MEGF6: variants seen among roughly 807,000 people sequenced by gnomAD.
MEGF6 encodes multiple EGF like domains 6.
In MEGF6, 184 loss-of-function variants were observed where a neutral mutation model predicts 207.1. The ratio of observed to expected loss-of-function variants is 0.89; its 90% CI spans 0.79 to 1.00. The LOEUF is 1.00. MEGF6 is among the 50% of genes least tolerant of loss of function. The pLI is 0.00. For synonymous variants in MEGF6, 1,038 were observed against 910.0 expected, an observed-to-expected ratio of 1.14 and a Z score of -2.53; for missense variants, 2,282 against 2,202.9, an observed-to-expected ratio of 1.04 and a Z score of -0.72.
chr1:3,493,040 C>A, intron 34 of MEGF6: 2 of 490,350 alleles, frequency 4.1e-6, no homozygotes, highest in Non-Finnish European at 7.3e-6. Flanking sequence ...CGAGTTCCTG[C>A]CCCGCCCCAG....
Position 3,578,536 on chromosome 1 carries a change from T to TGG in MEGF6, c.481+1287_481+1288dup, listed in dbSNP as rs60070220. Among the ~76,000 whole-genome samples the TGG allele has an allele frequency of 1.6e-3, 216 of 138,656 alleles. 1 individual carries two copies. Among genetic ancestry groups the TGG allele is most frequent in the East Asian group, 4.8e-3 (21 of 4,358 alleles). 91.0% of individuals were successfully genotyped at this position (138,656 alleles called of 152,430 possible). ...CAGGGCAATGACAGGGCAGGGGCCC[T>TGG]GGGGGGGGGGGGCCCTTTCGTCCAC... On this transcript the variant is annotated intron_variant, in intron 4 of 36. Coordinates refer to ENST00000356575, the MANE Select transcript of MEGF6 (RefSeq NM_001409.4).
At chr1:3,538,804 C>T (rs769524037) in intron 4 of MEGF6, among the ~76,000 whole-genome samples, 3 of 151,842 alleles carry the variant, frequency 2.0e-5, no homozygotes, top group South Asian at 2.1e-4. Flanking sequence ...GTGCGAGGCC[C>T]GGGGGCACCT....
At chr1:3,566,485 G>A (rs542249855) in intron 4 of MEGF6, among the ~76,000 whole-genome samples, 24 of 152,316 alleles carry the variant, frequency 1.6e-4, no homozygotes, top group Admixed American at 3.3e-4. Context: ...GCCAAGAACC[G>A]AGCTGTTCAC....
intron 4 of MEGF6, among the ~76,000 whole-genome samples, chr1:3,559,735 G>A (rs185855306): frequency 7.5e-4 from 114 of 152,172 alleles, no homozygotes; most frequent in Non-Finnish European, 1.4e-3. Flanking sequence ...CGCCCGGCCG[G>A]GTACGGTGGC....
chr1:3,512,692 C>T (rs1165205313), intron 7 of MEGF6, among the ~76,000 whole-genome samples: 2 of 152,264 alleles, frequency 1.3e-5, no homozygotes, highest in African/African-American at 4.8e-5. Flanking sequence ...CTTGCTCCTC[C>T]TGGCCTCCCG....
At chr1:3,614,059 T>C (rs911833712), upstream of MEGF6, among the ~76,000 whole-genome samples, 1 of 152,180 alleles carries the variant, frequency 6.6e-6, no homozygotes, top group Non-Finnish European at 1.5e-5. Flanking sequence ...AGGCCATGCA[T>C]AGCTTTTTCC....
rs1052795663 is a variant in MEGF6 at position 3,595,387 on chromosome 1, C to T, written c.327G>A (p.Arg109=). The change falls in exon 3 of 37, where the codon AGG becomes AGA. Residue 109 remains arginine (R), a synonymous_variant. Transcript: ENST00000356575. Reference sequence around the variant, plus strand: ...GCTGCTGCATCCACCCTCGGCAGCACCTGAGCACGGTCCGGGCCTCCGTGG... The same window carrying T: ...GCTGCTGCATCCACCCTCGGCAGCATCTGAGCACGGTCCGGGCCTCCGTGG... ...VYTTEARTVL[R]CCRGWMQQPD... 2.5e-6 allele frequency: 4 copies of T among 1,612,628 alleles called. No individual in the cohort carries two copies. The African/African-American group carries it at 4.0e-5, about 16-fold the overall frequency.
At chr1:3,615,325 C>T (rs1297106122), upstream of MEGF6, among the ~76,000 whole-genome samples, 1 of 152,206 alleles carries the variant, frequency 6.6e-6, no homozygotes, top group Admixed American at 6.5e-5. Context: ...CAGGGCACTG[C>T]CCCCTGGTGC....
chr1:3,519,961 T>TG (rs1641683385), intron 5 of MEGF6, among the ~76,000 whole-genome samples: 1 of 152,114 alleles, frequency 6.6e-6, no homozygotes, highest in Admixed American at 6.5e-5. Context: ...CATCCAACTC[T>TG]GGGGGACACA....
chr1:3,599,146 C>G lies in MEGF6; in HGVS notation c.266+3320G>C, dbSNP rs568281190. Among the ~76,000 whole-genome samples, 20 of 152,346 alleles carry G rather than the reference C, an allele frequency of 1.3e-4. No individual in the cohort carries two copies. In the East Asian group the frequency reaches 3.9e-3, roughly 30 times the overall value. On this transcript the variant is annotated intron_variant, in intron 2 of 36. Coordinates refer to ENST00000356575, the MANE Select transcript of MEGF6 (RefSeq NM_001409.4). The stretch of plus-strand genomic sequence containing the variant: ...CCGCAGCCACCACAACACCACAACA[C>G]AGCCACTGCGGGGCCAGCCTGGGGA...
chr1:3,574,101 G>A (rs1161135409), intron 4 of MEGF6, among the ~76,000 whole-genome samples: 1 of 151,796 alleles, frequency 6.6e-6, no homozygotes, highest in Non-Finnish European at 1.5e-5. Flanking sequence ...CAGGGAAACC[G>A]AGGTTTCCTT....
chr1:3,490,953 G>A lies in MEGF6; in HGVS notation c.4523C>T (p.Pro1508Leu), dbSNP rs760074711. 2.5e-6 allele frequency: 4 copies of A among 1,600,362 alleles called. No homozygotes were observed. The Admixed American group carries it at 5.4e-5, about 21-fold the overall frequency. Residue 1508 changes from proline to leucine, a missense_variant, in exon 36 of 37, where the codon CCC (proline) becomes CTC (leucine). Transcript: ENST00000356575. ...GGACGGGTTCTCGGGGAGCCGGAGG[G>A]GCCCACCTGGAGGGGAGAGAGAGCA... ...YMGPTCREGG[P>L]LRLPENPSLA...
Position 3,490,478 on chromosome 1 carries a change from G to A in MEGF6, c.*50C>T, listed in dbSNP as rs1267266371. 3 of 1,595,324 alleles carry A rather than the reference G, an allele frequency of 1.9e-6. No homozygotes were observed. The Admixed American group carries it at 5.1e-5, about 27-fold the overall frequency. Reference sequence around the variant, plus strand: ...CTTCTCAGTGGTCACCAAAGGCCAGGGTCCCCTCTGGCTGGGACTGGAGAG... The same window carrying A: ...CTTCTCAGTGGTCACCAAAGGCCAGAGTCCCCTCTGGCTGGGACTGGAGAG... On this transcript the variant is annotated 3_prime_UTR_variant, in exon 37 of 37. Transcript: ENST00000356575.
chr1:3,598,659 C>A (rs886755382), intron 2 of MEGF6, among the ~76,000 whole-genome samples: 1 of 151,590 alleles, frequency 6.6e-6, no homozygotes, highest in Non-Finnish European at 1.5e-5. Flanking sequence ...CCAGCCCACA[C>A]GGGCTCCAAC....
chr1:3,490,342 C>T lies in MEGF6; in HGVS notation c.*186G>A. ...CTTCCAGCGGCCATGCGAGGCTTCC[C>T]TCCTCAAGGCCACACCAGCCTCCAA... On this transcript the variant is annotated 3_prime_UTR_variant, in exon 37 of 37. Coordinates refer to ENST00000356575, the MANE Select transcript of MEGF6 (RefSeq NM_001409.4). 1.5e-6 allele frequency: 1 copy of T among 650,088 alleles called. No individual in the cohort carries two copies. The allele number at this position is 650,088 out of a possible 1,614,324, so 40.3% of individuals were successfully genotyped here.
upstream of MEGF6, among the ~76,000 whole-genome samples, chr1:3,615,654 GA>G (rs1345005188): frequency 1.3e-5 from 2 of 152,246 alleles, no homozygotes; most frequent in African/African-American, 4.8e-5. Flanking sequence ...CCCAAATGTA[GA>G]TGCCCGCACC....
At chr1:3,576,520 G>A (rs906082514) in intron 4 of MEGF6, among the ~76,000 whole-genome samples, 10 of 152,244 alleles carry the variant, frequency 6.6e-5, no homozygotes, top group South Asian at 6.2e-4. Flanking sequence ...TCCCAACTGC[G>A]TTTGAGCTCA....
At position 3,556,416 on chromosome 1, in the gene MEGF6, T is replaced by A. The variant is rs1557774137; in HGVS notation, c.481+23409A>T. ...AAAACCGCCGGCTGGCTGAACCAAATTGGCCCGGGACCTCCTCACGGAGCC... is the reference window on the plus strand; with the variant it reads ...AAAACCGCCGGCTGGCTGAACCAAAATGGCCCGGGACCTCCTCACGGAGCC... On this transcript the variant is annotated intron_variant, in intron 4 of 36. Transcript: ENST00000356575. The surrounding 1 kb of genome is among the most constrained non-coding windows in gnomAD (Gnocchi z 4.4). Among the ~76,000 whole-genome samples, 2 of 152,168 alleles carry A rather than the reference T, an allele frequency of 1.3e-5. No individual in the cohort carries two copies. The highest frequency in any genetic ancestry group is 1.3e-4 in the Admixed American group (2 of 15,274).
At chr1:3,515,090 C>T (rs1019938052) in intron 6 of MEGF6, among the ~76,000 whole-genome samples, 1 of 152,196 alleles carries the variant, frequency 6.6e-6, no homozygotes, top group African/African-American at 2.4e-5. Flanking sequence ...TCTGGAGGAC[C>T]ACTGAGTCTG....
Sources: allele counts gnomAD v4.1 joint callset (sites outside exome capture counted in the v4.1 genomes callset), GRCh38; gene constraint gnomAD v4.1.1; non-coding constraint Gnocchi (gnomAD v3.1); transcripts MANE v1.5; gene names NCBI Gene and HGNC (gene_info 2026-07-23, HGNC 2026-07-21).